Variants in LDB2 observed in about 807,000 individuals in gnomAD.
LDB2 encodes LIM domain-binding protein 2.
LDB2 carries 12 observed loss-of-function variants against 44.3 expected under a neutral mutation model. The ratio of observed to expected loss-of-function variants is 0.27; its 90% CI spans 0.17 to 0.44. LDB2 has a LOEUF of 0.44. LDB2 is among the 20% of genes least tolerant of loss of function. LDB2 has a pLI of 1.00. For missense variants in LDB2, 344 were observed against 473.5 expected, an observed-to-expected ratio of 0.73 and a Z score of 2.54; for synonymous variants, 164 against 174.8, an observed-to-expected ratio of 0.94 and a Z score of 0.49.
chr4:16,770,472 C>A (rs1770412160), intron 1 of LDB2, among the ~76,000 whole-genome samples: 1 of 152,102 alleles, frequency 6.6e-6, no homozygotes, highest in Non-Finnish European at 1.5e-5. Flanking sequence ...TGAAAATGCA[C>A]AGAGTTTCAA....
chr4:16,820,367 G>A (rs772776473), intron 1 of LDB2, among the ~76,000 whole-genome samples: 9 of 152,162 alleles, frequency 5.9e-5, no homozygotes, highest in Non-Finnish European at 1.2e-4. Flanking sequence ...ACAAGAGCAG[G>A]TTCCCTGGAG....
intron 2 of LDB2, among the ~76,000 whole-genome samples, chr4:16,700,889 G>A (rs1753287632): frequency 6.6e-6 from 1 of 152,202 alleles, no homozygotes; most frequent in South Asian, 2.1e-4. Flanking sequence ...ATATACAAAT[G>A]AGTGAGCAAA....
intron 2 of LDB2, among the ~76,000 whole-genome samples, chr4:16,609,812 A>T (rs565027578): frequency 2.6e-5 from 4 of 152,222 alleles, no homozygotes; most frequent in Admixed American, 2.6e-4. Flanking sequence ...CACAGATGAG[A>T]GGGTTTCCCC....
intron 2 of LDB2, among the ~76,000 whole-genome samples, chr4:16,704,696 C>T (rs1276568296): frequency 6.6e-6 from 1 of 152,132 alleles, no homozygotes; most frequent in Non-Finnish European, 1.5e-5. Context: ...ATAAAAAAGC[C>T]TCTGATAAAT....
At chr4:16,808,241 T>C (rs1779152631) in intron 1 of LDB2, among the ~76,000 whole-genome samples, 1 of 152,222 alleles carries the variant, frequency 6.6e-6, no homozygotes, top group Non-Finnish European at 1.5e-5. Flanking sequence ...TCATTGTCTT[T>C]GGATCTCAAA....
intron 2 of LDB2, among the ~76,000 whole-genome samples, chr4:16,694,171 G>C (rs1211626987): frequency 3.3e-5 from 5 of 152,200 alleles, no homozygotes; most frequent in Non-Finnish European, 7.3e-5. Flanking sequence ...TCTTCAGTTG[G>C]GATTTGGTCC....
At chr4:16,767,133 A>AT (rs1405666850) in intron 1 of LDB2, among the ~76,000 whole-genome samples, 1 of 152,138 alleles carries the variant, frequency 6.6e-6, no homozygotes, top group African/African-American at 2.4e-5. Flanking sequence ...ATGGGTAGAG[A>AT]TTCAAAGAGT....
intron 1 of LDB2, among the ~76,000 whole-genome samples, chr4:16,765,195 A>C (rs1768927033): frequency 6.6e-6 from 1 of 152,188 alleles, no homozygotes; most frequent in Non-Finnish European, 1.5e-5. Flanking sequence ...TCTAAGCTAA[A>C]AGAGAGTCTA....
At chr4:16,659,795 C>T (rs1416767325) in intron 2 of LDB2, among the ~76,000 whole-genome samples, 2 of 151,810 alleles carry the variant, frequency 1.3e-5, no homozygotes, top group Non-Finnish European at 2.9e-5. Context: ...TATTTTACCA[C>T]AATAGGAGTC....
chr4:16,835,961 T>A (rs1399524794), intron 1 of LDB2, among the ~76,000 whole-genome samples: 1 of 152,176 alleles, frequency 6.6e-6, no homozygotes, highest in Non-Finnish European at 1.5e-5. Flanking sequence ...AATGGTGGGG[T>A]ACAAGGTCCT....
chr4:16,848,870 G>T (rs1787615734), intron 1 of LDB2, among the ~76,000 whole-genome samples: 1 of 151,768 alleles, frequency 6.6e-6, no homozygotes, highest in Non-Finnish European at 1.5e-5. Flanking sequence ...ACCACTGAAA[G>T]AGCCTCCTCA....
intron 5 of LDB2, among the ~76,000 whole-genome samples, chr4:16,557,721 C>T (rs1740275969): frequency 6.6e-6 from 1 of 152,144 alleles, no homozygotes; most frequent in Non-Finnish European, 1.5e-5. Context: ...AGTGGTTCTC[C>T]CAGCACGCAG....
At chr4:16,587,823 C>T (rs1330676009) in intron 4 of LDB2, among the ~76,000 whole-genome samples, 1 of 152,118 alleles carries the variant, frequency 6.6e-6, no homozygotes, top group African/African-American at 2.4e-5. Context: ...GCTTTTAAAA[C>T]AGGAACAATA....
chr4:16,809,917 A>T (rs1312855210), intron 1 of LDB2, among the ~76,000 whole-genome samples: 2 of 152,228 alleles, frequency 1.3e-5, no homozygotes, highest in East Asian at 1.9e-4. Context: ...GGCGGTAAAT[A>T]ACTAACAAGT....
chr4:16,514,492 G>A (rs576660475), intron 5 of LDB2, among the ~76,000 whole-genome samples: 1 of 152,290 alleles, frequency 6.6e-6, no homozygotes, highest in South Asian at 2.1e-4. Context: ...TCCACCAACT[G>A]TCTCATGTTC....
rs181459369 is a variant in LDB2, at chr4:16,790,662, G to A, written c.133-31402C>T. 5.5e-4 allele frequency among the ~76,000 whole-genome samples: 83 copies of A among 151,340 alleles called. No homozygotes were observed. In the East Asian group the frequency reaches 0.016, roughly 29 times the overall value. ...TGACCATTCAAAGCAGTCTGACGGA[G>A]CTAACATATTATTTCCTCGATAACC... On this transcript the variant is annotated intron_variant, in intron 1 of 7. Transcript: ENST00000304523.
chr4:16,687,710 C>T (rs1192621204), intron 2 of LDB2, among the ~76,000 whole-genome samples: 1 of 152,150 alleles, frequency 6.6e-6, no homozygotes, highest in Admixed American at 6.5e-5. Flanking sequence ...CCACACCCAC[C>T]CTGCCTTTTC....
At chr4:16,603,555 C>T (rs17490415) in intron 2 of LDB2, among the ~76,000 whole-genome samples, 57,613 of 151,974 alleles carry the variant, frequency 0.38, 11,423 homozygotes, top group East Asian at 0.64. Context: ...CTCCTTATGA[C>T]GATACAATAG....
chr4:16,778,125 T>A (rs1772366456), intron 1 of LDB2, among the ~76,000 whole-genome samples: 1 of 152,158 alleles, frequency 6.6e-6, no homozygotes, highest in Non-Finnish European at 1.5e-5. Context: ...CACACATATT[T>A]GATCTGAAAA....
Sources: gnomAD v4.1 joint callset for allele counts (sites outside exome capture counted in the v4.1 genomes callset) on GRCh38, gnomAD v4.1.1 for gene constraint, MANE v1.5 for transcripts, NCBI Gene and HGNC (gene_info 2026-07-23, HGNC 2026-07-21) for gene names.